Variants in CSMD2 observed in about 807,000 individuals in gnomAD.
CSMD2 encodes the protein CUB and Sushi multiple domains 2.
A neutral mutation model predicts 398.5 loss-of-function variants in CSMD2; 130 were observed. The ratio of observed to expected loss-of-function variants is 0.33; its 90% CI spans 0.28 to 0.38. The LOEUF (loss-of-function observed/expected upper bound fraction) is 0.38, where lower values mean the gene tolerates loss of function less well. Ranked by LOEUF, CSMD2 falls within the 10% of genes least tolerant of loss-of-function variation. CSMD2 has a pLI of 1.00. For synonymous variants in CSMD2, 1,828 were observed against 1,908.5 expected (o/e 0.96, Z 1.10); for missense variants, 3,829 against 4,764.9 (o/e 0.80, Z 5.78).
chr1:33,623,021 AAG>A (rs1254473348), intron 36 of CSMD2, among the ~76,000 whole-genome samples: 2 of 152,226 alleles, frequency 1.3e-5, no homozygotes, highest in East Asian at 3.8e-4. Context: ...CGTTAAGTGA[AAG>A]AAGCCAAACA....
intron 15 of CSMD2, among the ~76,000 whole-genome samples, chr1:33,731,776 GATTAT>G (rs1345472398): frequency 2.0e-5 from 3 of 152,168 alleles, no homozygotes; most frequent in African/African-American, 7.2e-5. Flanking sequence ...ATGGAAATTT[GATTAT>G]ATTAATTGTT....
At chr1:34,086,007 C>G (rs192623586) in intron 2 of CSMD2, among the ~76,000 whole-genome samples, 32 of 136,698 alleles carry the variant, frequency 2.3e-4, no homozygotes, top group Middle Eastern at 3.7e-3. Flanking sequence ...CAAATGAAAT[C>G]TTAAGTTTCC....
At chr1:34,158,152 GCT>G (rs1640975130) in intron 1 of CSMD2, among the ~76,000 whole-genome samples, 1 of 152,184 alleles carries the variant, frequency 6.6e-6, no homozygotes. Flanking sequence ...TAAGAAAAGA[GCT>G]CTGAGAGCCA....
Position 33,681,147 on chromosome 1 carries a change from C to A in CSMD2, c.4052+11783G>T, listed in dbSNP as rs146822667. On this transcript the variant is annotated intron_variant, in intron 25 of 70. Coordinates refer to ENST00000373381, the MANE Select transcript of CSMD2 (RefSeq NM_001281956.2). ...CTGGGTTGACCATGCTGGTCTCGAACTCCTGGCCTCAAGTGATTCACCTCC... is the reference window on the plus strand; with the variant it reads ...CTGGGTTGACCATGCTGGTCTCGAAATCCTGGCCTCAAGTGATTCACCTCC... Among the ~76,000 whole-genome samples the A allele has an allele frequency of 3.6e-4, 55 of 152,134 alleles. No homozygotes were observed. In the East Asian group the frequency reaches 7.0e-3, roughly 19 times the overall value.
At chr1:33,673,273 G>C (rs1186767021) in intron 25 of CSMD2, among the ~76,000 whole-genome samples, 1 of 152,246 alleles carries the variant, frequency 6.6e-6, no homozygotes, top group Non-Finnish European at 1.5e-5. Flanking sequence ...TAAAGGACCT[G>C]ATGGTGCTGA....
chr1:33,573,096 A>T (rs1659743067), intron 49 of CSMD2, among the ~76,000 whole-genome samples: 2 of 152,200 alleles, frequency 1.3e-5, no homozygotes, highest in South Asian at 2.1e-4. Context: ...GGGAGTTGGC[A>T]TCCCAGAGGA....
At chr1:34,007,461 G>A (rs1647096587) in intron 3 of CSMD2, among the ~76,000 whole-genome samples, 2 of 152,102 alleles carry the variant, frequency 1.3e-5, no homozygotes, top group Admixed American at 1.3e-4. Flanking sequence ...AAACTAATTG[G>A]TTTAAAATTG....
At position 33,635,132 on chromosome 1, in the gene CSMD2, G is replaced by T; in HGVS notation, c.5086+82C>A. The T allele has an allele frequency of 2.4e-6, 2 of 823,242 alleles. No homozygotes were observed. The highest frequency in any genetic ancestry group is 2.1e-6 in the Non-Finnish European group (1 of 487,008). The allele number at this position is 823,242 out of a possible 1,614,324, so 51.0% of individuals were successfully genotyped here. On this transcript the variant is annotated intron_variant, in intron 31 of 70. Transcript: ENST00000373381. The surrounding 1 kb of genome is among the most constrained non-coding windows in gnomAD (Gnocchi z 5.0). Reference sequence around the variant, plus strand: ...CCCACAATGGGGCTGTATATAATTGGGAGGCGTCTGAGGAATTGCTCATTT... The same window carrying T: ...CCCACAATGGGGCTGTATATAATTGTGAGGCGTCTGAGGAATTGCTCATTT...
rs1570776017 is a variant in CSMD2 at position 33,572,509 on chromosome 1, C to A, written c.7759G>T (p.Val2587Phe). 3.1e-6 allele frequency: 5 copies of A among 1,597,240 alleles called. No individual in the cohort carries two copies. The East Asian group carries it at 1.1e-4, about 36-fold the overall frequency. ...WSNRNVPPQC[V>F]PVTCPDVSSI... is the part of the protein sequence containing the mutation. ...CCTCCATTGCCCGAGGACTCACGGA[C>A]ACACTGTGGTGGGACATTGCGGTTG... The change falls in exon 50 of 71, where the codon GTC (valine) becomes TTC (phenylalanine). Residue 2587 changes from valine (V) to phenylalanine (F), a missense_variant. Around this residue, in one of 5 missense-constraint regions of CSMD2, gnomAD observed 723 missense variants for 758.6 expected, o/e 0.95. Coordinates refer to ENST00000373381, the MANE Select transcript of CSMD2 (RefSeq NM_001281956.2).
At chr1:33,849,904 A>G (rs1409979879) in intron 5 of CSMD2, among the ~76,000 whole-genome samples, 1 of 152,164 alleles carries the variant, frequency 6.6e-6, no homozygotes, top group Non-Finnish European at 1.5e-5. Flanking sequence ...CGAACCTTCA[A>G]TGGATCCAAT....
At chr1:33,558,549 A>C (rs1658254734) in intron 54 of CSMD2, among the ~76,000 whole-genome samples, 3 of 152,148 alleles carry the variant, frequency 2.0e-5, no homozygotes, top group African/African-American at 7.2e-5. Flanking sequence ...CCATTATCTT[A>C]CCTGAGTCTC....
At chr1:33,890,558 T>G (rs1017221392) in intron 5 of CSMD2, among the ~76,000 whole-genome samples, 7 of 152,108 alleles carry the variant, frequency 4.6e-5, no homozygotes, top group African/African-American at 1.2e-4. Context: ...TTTTTTTTTG[T>G]GGGCTCTTTT....
chr1:34,135,609 T>C (rs1335443445), intron 1 of CSMD2, among the ~76,000 whole-genome samples: 1 of 55,372 alleles, frequency 1.8e-5, no homozygotes, highest in Non-Finnish European at 3.1e-5. Context: ...AAAGCAAGAC[T>C]CCATCTCAAA....
At chr1:33,900,675 A>G (rs923754458) in intron 5 of CSMD2, among the ~76,000 whole-genome samples, 1 of 151,900 alleles carries the variant, frequency 6.6e-6, no homozygotes, top group African/African-American at 2.4e-5. Context: ...GCTACTGGGG[A>G]GGCTAAGGTG....
In CSMD2 at chr1:33,602,516, T is replaced by G; in HGVS notation, c.6563A>C (p.Asn2188Thr). ...GAACCCCGGGGAGTACACAGTGCCGTTGGAAGAAGTGATGTTCCCGCCACA... is the reference window on the plus strand; with the variant it reads ...GAACCCCGGGGAGTACACAGTGCCGGTGGAAGAAGTGATGTTCCCGCCACA... ...VPCGGNITSS[N>T]GTVYSPGFPS... Residue 2188 changes from asparagine to threonine, a missense_variant, in exon 43 of 71, where the codon AAC becomes ACC. Physicochemically the swap from Asn to Thr is moderately conservative, Grantham distance 65 (BLOSUM62 0). This residue lies in a region of CSMD2 where 723 missense variants were observed against 758.6 expected (regional missense o/e 0.95). Coordinates refer to ENST00000373381, the MANE Select transcript of CSMD2 (RefSeq NM_001281956.2). The G allele has an allele frequency of 6.3e-7, 1 of 1,595,028 alleles. No homozygotes were observed. Among genetic ancestry groups the G allele is most frequent in the Non-Finnish European group, 8.5e-7 (1 of 1,171,224 alleles).
chr1:34,062,365 A>C (rs1305553181), intron 2 of CSMD2, among the ~76,000 whole-genome samples: 1 of 152,240 alleles, frequency 6.6e-6, no homozygotes, highest in Non-Finnish European at 1.5e-5. Context: ...AGGGGTGTCC[A>C]TGGTACACAC....
intron 15 of CSMD2, among the ~76,000 whole-genome samples, chr1:33,737,002 G>C (rs960712376): frequency 7.2e-5 from 11 of 152,196 alleles, no homozygotes; most frequent in Admixed American, 7.2e-4. Context: ...GAAGGTGAAA[G>C]ACCACCGATT....
At chr1:33,740,066 G>A (rs1289203651) in intron 14 of CSMD2, among the ~76,000 whole-genome samples, 1 of 152,156 alleles carries the variant, frequency 6.6e-6, no homozygotes, top group African/African-American at 2.4e-5. Flanking sequence ...CACTTGCAGG[G>A]TCATTCTGAG....
chr1:33,792,584 C>T, intron 10 of CSMD2, 58 bp from the exon 11 acceptor site: 3 of 1,152,774 alleles, frequency 2.6e-6, no homozygotes, highest in South Asian at 2.4e-5. Context: ...CCTTCCAAAG[C>T]CTTGAGGGGA....
Sources: allele counts gnomAD v4.1 joint callset (sites outside exome capture counted in the v4.1 genomes callset), GRCh38; gene constraint gnomAD v4.1.1; regional missense constraint gnomAD v4.1.1; non-coding constraint Gnocchi (gnomAD v3.1); transcripts MANE v1.5; gene names NCBI Gene and HGNC (gene_info 2026-07-23, HGNC 2026-07-21).